The following SEMA5A variants were observed in gnomAD, a reference collection of about 807,000 sequenced individuals.
SEMA5A encodes the protein semaphorin-5A.
A neutral mutation model predicts 135.5 loss-of-function variants in SEMA5A; 55 were observed. The observed-to-expected ratio is 0.41, with a 90% CI of 0.33 to 0.51. SEMA5A has a LOEUF of 0.51. SEMA5A is among the 20% of genes least tolerant of loss of function. The pLI is 0.37. For missense variants in SEMA5A, 1,290 were observed against 1,419.9 expected (o/e 0.91, Z 1.47); for synonymous variants, 580 against 546.5 (o/e 1.06, Z -0.85).
At chr5:9,474,214 T>C (rs1759584692) in intron 1 of SEMA5A, among the ~76,000 whole-genome samples, 1 of 152,148 alleles carries the variant, frequency 6.6e-6, no homozygotes, top group Non-Finnish European at 1.5e-5. Context: ...AGAAAGGATC[T>C]TACGTGGAGT....
chr5:9,165,608 A>C (rs933869941), intron 11 of SEMA5A, among the ~76,000 whole-genome samples: 1 of 152,196 alleles, frequency 6.6e-6, no homozygotes, highest in African/African-American at 2.4e-5. Flanking sequence ...CCAGTTGTGC[A>C]TTTGGATTCT....
At chr5:9,358,751 A>G (rs1754561664) in intron 3 of SEMA5A, among the ~76,000 whole-genome samples, 1 of 152,226 alleles carries the variant, frequency 6.6e-6, no homozygotes, top group African/African-American at 2.4e-5. Context: ...ATGTTGAAAG[A>G]AACGAAGCTG....
chr5:9,145,641 CTT>C lies in SEMA5A; in HGVS notation c.1481+8845_1481+8846del, dbSNP rs36054284. 7.2e-4 allele frequency among the ~76,000 whole-genome samples: 85 copies of C among 117,514 alleles called. No individual in the cohort carries two copies. The East Asian group carries it at 7.6e-3, about 10-fold the overall frequency. 77.1% of individuals were successfully genotyped at this position (117,514 alleles called of 152,430 possible). On this transcript the variant is annotated intron_variant, in intron 12 of 22. Coordinates refer to ENST00000382496, the MANE Select transcript of SEMA5A (RefSeq NM_003966.3). ...GTGGAGTAGATATTAAAGAAGAAAA[CTT>C]TTTTTTTTTTTTTTTTTTAGATGGA... is the stretch of plus-strand genomic sequence containing the variant.
intron 10 of SEMA5A, among the ~76,000 whole-genome samples, chr5:9,193,665 C>T (rs746853888): frequency 3.3e-5 from 5 of 152,130 alleles, no homozygotes; most frequent in South Asian, 2.1e-4. Flanking sequence ...TTTGAGAGGC[C>T]GAGACAAGTG....
At chr5:9,530,519 C>G (rs1344698726) in intron 1 of SEMA5A, among the ~76,000 whole-genome samples, 1 of 151,828 alleles carries the variant, frequency 6.6e-6, no homozygotes, top group Non-Finnish European at 1.5e-5. Flanking sequence ...AAAATGTATC[C>G]CCAAACCAGG....
At chr5:9,157,280 C>T (rs1194046325) in intron 11 of SEMA5A, among the ~76,000 whole-genome samples, 1 of 152,174 alleles carries the variant, frequency 6.6e-6, no homozygotes, top group East Asian at 1.9e-4. Flanking sequence ...CTTCTCATCC[C>T]CTGTCCTCAT....
At chr5:9,301,463 C>A (rs992093552) in intron 5 of SEMA5A, among the ~76,000 whole-genome samples, 3 of 152,180 alleles carry the variant, frequency 2.0e-5, no homozygotes, top group African/African-American at 7.2e-5. Context: ...AACAAAAGCA[C>A]AGATTCAAGC....
chr5:9,222,495 G>A (rs1476156627), intron 8 of SEMA5A, among the ~76,000 whole-genome samples: 1 of 152,108 alleles, frequency 6.6e-6, no homozygotes, highest in African/African-American at 2.4e-5. Flanking sequence ...GGAGGGCGGT[G>A]GAAATGCTGC....
At position 9,459,032 on chromosome 5, in the gene SEMA5A, T is replaced by A. The variant is rs184142704; in HGVS notation, c.-174-21180A>T. On this transcript the variant is annotated intron_variant, in intron 1 of 22. Transcript: ENST00000382496. The stretch of plus-strand genomic sequence containing the variant: ...AGAAAATATGAACCAGAATGATTTT[T>A]ATCAATGCCAGTGGCAATAAATAGT... 2.2e-3 allele frequency among the ~76,000 whole-genome samples: 335 copies of A among 152,336 alleles called. 3 individuals carry two copies. In the Middle Eastern group the frequency reaches 0.024, roughly 11 times the overall value.
intron 1 of SEMA5A, among the ~76,000 whole-genome samples, chr5:9,454,265 G>A (rs1011702510): frequency 6.6e-6 from 1 of 152,124 alleles, no homozygotes; most frequent in African/African-American, 2.4e-5. Context: ...TACATAATGT[G>A]AACCAGATCC....
In SEMA5A at chr5:9,044,486, G is replaced by T. The variant is rs747188913; in HGVS notation, c.2992C>A (p.Gln998Lys). The change falls in exon 22 of 23, where the codon CAG becomes AAG. Residue 998 changes from glutamine to lysine, a missense_variant. Physicochemically the swap from Gln to Lys is moderately conservative, Grantham distance 53. This residue lies in a region of SEMA5A where 1,029 missense variants were observed against 1,086.6 expected (regional missense o/e 0.95). Coordinates refer to ENST00000382496, the MANE Select transcript of SEMA5A (RefSeq NM_003966.3). ...ATGACAGTCGCATCGTGGGATTGCTGCTGGTACCGCTGGCAGTAAGTATAG... is the reference window on the plus strand; with the variant it reads ...ATGACAGTCGCATCGTGGGATTGCTTCTGGTACCGCTGGCAGTAAGTATAG... ...LVYTYCQRYQ[Q>K]QSHDATVIHP... The T allele has an allele frequency of 4.3e-6, 7 of 1,613,990 alleles. No individual in the cohort carries two copies. The highest frequency in any genetic ancestry group is 5.9e-6 in the Non-Finnish European group (7 of 1,179,984).
At chr5:9,289,740 T>C (rs1300124151) in intron 5 of SEMA5A, among the ~76,000 whole-genome samples, 1 of 152,218 alleles carries the variant, frequency 6.6e-6, no homozygotes, top group Non-Finnish European at 1.5e-5. Context: ...TTCAACTTCA[T>C]CTGCCAATTA....
intron 8 of SEMA5A, among the ~76,000 whole-genome samples, chr5:9,216,713 T>C (rs959031986): frequency 4.6e-5 from 7 of 152,256 alleles, no homozygotes; most frequent in African/African-American, 1.7e-4. Flanking sequence ...CTTGTTGAAC[T>C]GAATCCTTTA....
At chr5:9,193,690 G>A (rs919021019) in intron 10 of SEMA5A, among the ~76,000 whole-genome samples, 2 of 152,144 alleles carry the variant, frequency 1.3e-5, no homozygotes, top group Non-Finnish European at 2.9e-5. Context: ...ACGAGGTCAG[G>A]AGTTCAACAC....
chr5:9,492,341 T>C (rs1735062079), intron 1 of SEMA5A, among the ~76,000 whole-genome samples: 1 of 152,216 alleles, frequency 6.6e-6, no homozygotes, highest in Non-Finnish European at 1.5e-5. Flanking sequence ...ATTAAGAACC[T>C]TGCTGAAATT....
chr5:9,279,696 A>C (rs772383909), intron 5 of SEMA5A, among the ~76,000 whole-genome samples: 4 of 152,096 alleles, frequency 2.6e-5, no homozygotes, highest in Admixed American at 6.5e-5. Flanking sequence ...GTGAGTTCTC[A>C]TGAGATCTGA....
Position 9,154,641 on chromosome 5 carries a change from C to T in SEMA5A, c.1328G>A (p.Cys443Tyr), listed in dbSNP as rs777281005. ...RVPLNQTSSS[C>Y]LLEEIELFPE... ...GAAGAGCTCAATCTCTTCCAGCAAA[C>T]AGCTGCTTGAGGTCTGATTCAGGGG... is the stretch of plus-strand genomic sequence containing the variant. Residue 443 changes from cysteine (C) to tyrosine (Y), a missense_variant, in exon 12 of 23, where the codon TGT becomes TAT. Physicochemically the swap from Cys to Tyr is radical, Grantham distance 194. Coordinates refer to ENST00000382496, the MANE Select transcript of SEMA5A (RefSeq NM_003966.3). 1.3e-5 allele frequency: 21 copies of T among 1,614,122 alleles called. No individual in the cohort carries two copies. The highest frequency in any genetic ancestry group is 1.5e-5 in the Non-Finnish European group (18 of 1,180,012).
chr5:9,387,149 T>C (rs1755930751), intron 2 of SEMA5A, among the ~76,000 whole-genome samples: 3 of 152,240 alleles, frequency 2.0e-5, no homozygotes, highest in Admixed American at 6.5e-5. Flanking sequence ...CCAAGCTCTC[T>C]GCTCAGGCTT....
chr5:9,170,983 G>A (rs1011469118), intron 11 of SEMA5A, among the ~76,000 whole-genome samples: 12 of 152,248 alleles, frequency 7.9e-5, no homozygotes, highest in African/African-American at 2.4e-4. Flanking sequence ...AAAGAGCTGA[G>A]AGAAGAAGGG....
Sources: allele counts gnomAD v4.1 joint callset (sites outside exome capture counted in the v4.1 genomes callset), GRCh38; gene constraint gnomAD v4.1.1; regional missense constraint gnomAD v4.1.1; transcripts MANE v1.5; gene names NCBI Gene and HGNC (gene_info 2026-07-23, HGNC 2026-07-21).